Variants in MELK observed in about 807,000 individuals in gnomAD.
MELK encodes the protein pEg3 kinase.
MELK carries 81 observed loss-of-function variants against 85.0 expected under a neutral mutation model. That is an observed-to-expected ratio of 0.95 (90% CI 0.80 to 1.15). The LOEUF (loss-of-function observed/expected upper bound fraction) is 1.15, where lower values mean the gene tolerates loss of function less well. Ranked by LOEUF, MELK falls within the 50% of genes most tolerant of loss-of-function variation. MELK has a pLI of 0.00. For missense variants in MELK, 754 were observed against 777.5 expected (o/e 0.97, Z 0.36); for synonymous variants, 252 against 265.0 (o/e 0.95, Z 0.48).
intron 8 of MELK, among the ~76,000 whole-genome samples, chr9:36,622,292 A>G (rs1827522650): frequency 6.6e-6 from 1 of 152,180 alleles, no homozygotes; most frequent in Admixed American, 6.5e-5. Context: ...TGCTGGTTGA[A>G]TCTAATTAAG....
At chr9:36,604,676 C>T (rs956204252) in intron 7 of MELK, among the ~76,000 whole-genome samples, 10 of 150,750 alleles carry the variant, frequency 6.6e-5, no homozygotes, top group African/African-American at 2.4e-4. Flanking sequence ...CAGGGTCTCA[C>T]TCTGTCACTC....
intron 2 of MELK, 67 bp from the exon 3 acceptor site, chr9:36,583,560 T>C (rs1169911921): frequency 1.0e-6 from 1 of 1,000,816 alleles, no homozygotes; most frequent in African/African-American, 1.6e-5. Flanking sequence ...TTTAAAATTA[T>C]TATATATAAA....
intron 11 of MELK, 126 bp downstream of exon 11, chr9:36,643,209 C>T: frequency 1.6e-6 from 1 of 629,914 alleles, no homozygotes; most frequent in East Asian, 3.6e-5. Context: ...GTGGTGAAAC[C>T]CCATCTCTAC....
chr9:36,613,373 A>G (rs963848834), intron 8 of MELK, among the ~76,000 whole-genome samples: 2 of 152,264 alleles, frequency 1.3e-5, no homozygotes, highest in Non-Finnish European at 2.9e-5. Context: ...AACACCTAAT[A>G]TGTGCCAGGC....
intron 13 of MELK, among the ~76,000 whole-genome samples, chr9:36,660,338 G>C (rs1282177980): frequency 6.6e-6 from 1 of 151,728 alleles, no homozygotes; most frequent in East Asian, 1.9e-4. Flanking sequence ...TTGTTTTTGA[G>C]ATAGGATCTC....
In MELK at chr9:36,577,391, C is replaced by T. The variant is rs139883075; in HGVS notation, c.-38-4253C>T. Among the ~76,000 whole-genome samples, 781 of 152,232 alleles carry T rather than the reference C, an allele frequency of 5.1e-3. 10 individuals carry two copies. The highest frequency in any genetic ancestry group is 0.031 in the Middle Eastern group (9 of 294). ...AGCCGGGTATGGTGTTGTTGTTCGCCTGTAGTCCCAGCTACTTGGGAGGCT... is the reference window on the plus strand; with the variant it reads ...AGCCGGGTATGGTGTTGTTGTTCGCTTGTAGTCCCAGCTACTTGGGAGGCT... On this transcript the variant is annotated intron_variant, in intron 1 of 17. Transcript: ENST00000298048.
intron 1 of MELK, among the ~76,000 whole-genome samples, chr9:36,574,458 C>A: frequency 6.7e-6 from 1 of 149,044 alleles, no homozygotes; most frequent in South Asian, 2.1e-4. Flanking sequence ...AAAAAATTAA[C>A]CGGGCATGGT....
chr9:36,616,431 C>A (rs1241148029), intron 8 of MELK, among the ~76,000 whole-genome samples: 1 of 145,968 alleles, frequency 6.9e-6, no homozygotes, highest in Admixed American at 6.9e-5. Context: ...ACTTTGTCAC[C>A]CAGGCTGGAG....
intron 12 of MELK, among the ~76,000 whole-genome samples, chr9:36,656,739 C>T (rs1042376024): frequency 1.3e-5 from 2 of 152,008 alleles, no homozygotes; most frequent in Admixed American, 6.6e-5. Flanking sequence ...GTGATCCTCC[C>T]ACCTAAGCCT....
intron 1 of MELK, among the ~76,000 whole-genome samples, chr9:36,580,410 C>T (rs905358062): frequency 3.3e-5 from 5 of 152,028 alleles, no homozygotes; most frequent in African/African-American, 1.2e-4. Context: ...ACCTCCGCCT[C>T]CCAGGTTCAA....
intron 8 of MELK, among the ~76,000 whole-genome samples, chr9:36,611,418 C>T (rs968511869): frequency 2.6e-5 from 4 of 152,160 alleles, no homozygotes; most frequent in Non-Finnish European, 4.4e-5. Context: ...CCTGCCTTGG[C>T]TATGTCCATG....
chr9:36,592,219 T>G (rs1467018246), intron 4 of MELK, among the ~76,000 whole-genome samples: 3 of 146,630 alleles, frequency 2.0e-5, no homozygotes, highest in Non-Finnish European at 4.5e-5. Flanking sequence ...CTGTCTTGAG[T>G]GCTGGAGTGC....
At chr9:36,628,235 C>T (rs1828128924) in intron 8 of MELK, among the ~76,000 whole-genome samples, 1 of 152,028 alleles carries the variant, frequency 6.6e-6, no homozygotes, top group South Asian at 2.1e-4. Context: ...TTTCTCCCTA[C>T]CAAGCCTCAT....
At chr9:36,673,960 A>G (rs1334487589) in intron 16 of MELK, among the ~76,000 whole-genome samples, 2 of 152,216 alleles carry the variant, frequency 1.3e-5, no homozygotes, top group East Asian at 3.9e-4. Context: ...TCTATCTTGT[A>G]TCACACTATG....
intron 1 of MELK, among the ~76,000 whole-genome samples, chr9:36,577,356 T>C (rs995432892): frequency 5.9e-5 from 9 of 151,950 alleles, no homozygotes; most frequent in Admixed American, 3.3e-4. Flanking sequence ...CTACTAAAAA[T>C]ACAAAAATTA....
rs1423375937 is a variant in MELK at position 36,632,348 on chromosome 9, G to T, written c.736-754G>T. The stretch of plus-strand genomic sequence containing the variant: ...ACCTAATCTGATCTATAAAATGGGG[G>T]TTCTGAGCCTGGCCTCACTGCTATG... On this transcript the variant is annotated intron_variant, in intron 9 of 17. Coordinates refer to ENST00000298048, the MANE Select transcript of MELK (RefSeq NM_014791.4). Among the ~76,000 whole-genome samples, 6 of 152,126 alleles carry T rather than the reference G, an allele frequency of 3.9e-5. No homozygotes were observed. In the South Asian group the frequency reaches 1.2e-3, roughly 31 times the overall value.
intron 3 of MELK, among the ~76,000 whole-genome samples, chr9:36,586,194 T>A (rs1245937397): frequency 6.6e-6 from 1 of 151,854 alleles, no homozygotes; most frequent in Non-Finnish European, 1.5e-5. Context: ...TACAAAAAAT[T>A]TCGCTGGACA....
intron 14 of MELK, among the ~76,000 whole-genome samples, chr9:36,666,829 T>TTGGTGTCC (rs2137901233): frequency 6.6e-6 from 1 of 151,308 alleles, no homozygotes; most frequent in African/African-American, 2.4e-5. Flanking sequence ...TGAGGCCAGT[T>TTGGTGTCC]TGGTGTCCTG....
rs561229370 is a variant in MELK, at chr9:36,648,981, C to A, written c.922-2765C>A. Among the ~76,000 whole-genome samples the A allele has an allele frequency of 2.7e-4, 41 of 151,900 alleles. No homozygotes were observed. In the South Asian group the frequency reaches 4.4e-3, roughly 16 times the overall value. ...AAAAGTAGATACTGAGAAAAAAAAA[C>A]CCCAGATATGCAGGGAGCGGGAGAA... On this transcript the variant is annotated intron_variant, in intron 11 of 17. Transcript: ENST00000298048.
Sources: allele counts gnomAD v4.1 joint callset (sites outside exome capture counted in the v4.1 genomes callset), GRCh38; gene constraint gnomAD v4.1.1; transcripts MANE v1.5; gene names NCBI Gene and HGNC (gene_info 2026-07-23, HGNC 2026-07-21).